Variants in TBC1D28 observed in about 807,000 individuals in gnomAD.
TBC1D28 encodes the protein TBC1 domain family member 28, also known as TBC1 domain family, member 28.
Under a neutral mutation model 29.2 loss-of-function variants are expected in TBC1D28, and 20 were observed. That is an observed-to-expected ratio of 0.68 (90% CI 0.48 to 0.99). The LOEUF (loss-of-function observed/expected upper bound fraction) is 0.99, where lower values mean the gene tolerates loss of function less well. Among genes scored for constraint, TBC1D28 ranks in the 50% least tolerant of loss-of-function variants. The probability of loss-of-function intolerance (pLI) is 0.00; values close to 1 mark genes in which losing one functional copy is unlikely to be tolerated. For missense variants in TBC1D28, 205 were observed against 243.7 expected, an observed-to-expected ratio of 0.84 and a Z score of 1.06; for synonymous variants, 65 against 90.9, an observed-to-expected ratio of 0.71 and a Z score of 1.62.
upstream of TBC1D28, chr17:18,642,537 A>G (rs1416370925): frequency 3.3e-5 from 5 of 152,104 alleles, no homozygotes; most frequent in Admixed American, 6.5e-5. Context: ...CCCGGGTCAC[A>G]TCTGGGTCTC....
At chr17:18,643,314 C>T (rs1468328706), upstream of TBC1D28, among the ~76,000 whole-genome samples, 1 of 151,526 alleles carries the variant, frequency 6.6e-6, no homozygotes, top group East Asian at 1.9e-4. Context: ...TTCACCTCCT[C>T]CTCCCAGTAG....
rs531478396 is a variant in TBC1D28 at position 18,637,925 on chromosome 17, G to A, written c.436C>T (p.Gln146Ter). The A allele has an allele frequency of 8.5e-5, 137 of 1,613,514 alleles. No individual in the cohort carries two copies. In the East Asian group the frequency reaches 2.8e-3, roughly 33 times the overall value. The change falls in exon 8 of 9, where the codon CAG becomes TAG. Residue 146 changes from glutamine to a stop codon, truncating the protein, a stop_gained. Transcript: ENST00000345096. LOFTEE classifies it high-confidence loss of function. ...TGCAGGGTGTGGCTGACATCTAGCT[G>A]GATGCAGTGGATGATTCTGGAGGAC...
chr17:18,636,405 T>C, exon 9 of TBC1D28: 1 of 1,595,896 alleles, frequency 6.3e-7, no homozygotes, highest in South Asian at 1.1e-5. Flanking sequence ...AACCCTTTTC[T>C]GCCAGCAGCG....
chr17:18,639,332 A>T lies in TBC1D28; in HGVS notation c.159-118T>A, dbSNP rs565780245. ...CATCCACCCTAAGTCTCAGCCTGGG[A>T]CAAGGCACAGAGAAGGAAGGCAAGG... On this transcript the variant is annotated intron_variant, in intron 4 of 8. Coordinates refer to ENST00000345096, the Ensembl canonical transcript of TBC1D28. 264 of 1,384,794 alleles carry T rather than the reference A, an allele frequency of 1.9e-4. 5 individuals are homozygous for T. The South Asian group carries it at 4.0e-3, about 21-fold the overall frequency. 85.8% of individuals were successfully genotyped at this position (1,384,794 alleles called of 1,614,324 possible). A position where few individuals can be genotyped will look rare whatever the true frequency, so the allele number is the denominator to read the frequency against.
intron 5 of TBC1D28, chr17:18,638,924 G>A (rs2031639006): frequency 5.2e-6 from 4 of 774,526 alleles, no homozygotes; most frequent in Non-Finnish European, 8.2e-6. Flanking sequence ...CCAAGTTTTG[G>A]TCAGGTCCAG....
At chr17:18,644,132 G>A (rs1284317218), upstream of TBC1D28, among the ~76,000 whole-genome samples, 4 of 151,698 alleles carry the variant, frequency 2.6e-5, no homozygotes, top group African/African-American at 4.8e-5. Flanking sequence ...TTCGGGGACA[G>A]CACCCACCCC....
At chr17:18,637,382 C>T (rs1357263527) in intron 8 of TBC1D28, among the ~76,000 whole-genome samples, 3 of 126,648 alleles carry the variant, frequency 2.4e-5, no homozygotes, top group African/African-American at 3.3e-5. Context: ...ATGTGTGGTA[C>T]GAGGCCACTG....
In TBC1D28 at chr17:18,638,647, A is replaced by G. The variant is rs767928291; in HGVS notation, c.253T>C (p.Trp85Arg). ...TTCTTGGTGCTCCTATATTTTGTCC[A>G]GTCTGCAAGCATCTTTTGCCACTTG... is the stretch of plus-strand genomic sequence containing the variant. The change falls in exon 6 of 9, where the codon TGG becomes CGG. Residue 85 changes from tryptophan (W) to arginine (R), a missense_variant. By Grantham distance (101) the Trp-to-Arg change is moderately radical. Transcript: ENST00000345096. 10 of 1,614,190 alleles carry G rather than the reference A, an allele frequency of 6.2e-6. No homozygotes were observed. The Admixed American group carries it at 1.7e-4, about 27-fold the overall frequency.
At chr17:18,638,540 CCCA>C in intron 6 of TBC1D28, 78 bp downstream of exon 7, 1 of 342,058 alleles carries the variant, frequency 2.9e-6, no homozygotes, top group Non-Finnish European at 3.6e-6. Flanking sequence ...CTGAGAGGCA[CCCA>C]CCCAGGCCAA....
At chr17:18,642,961 C>T (rs2031836042), upstream of TBC1D28, 1 of 152,322 alleles carries the variant, frequency 6.6e-6, no homozygotes, top group Admixed American at 6.5e-5. Flanking sequence ...CCTCCAGCCC[C>T]TAAGGTGTCA....
chr17:18,636,391 C>T (rs1238045030), exon 9 of TBC1D28: 1 of 1,584,530 alleles, frequency 6.3e-7, no homozygotes, highest in Non-Finnish European at 8.6e-7. Flanking sequence ...GGAGTCTGGG[C>T]TTCAACCCTT....
At chr17:18,638,412 T>C (rs1349895465) in exon 7 of TBC1D28, 1 of 1,614,136 alleles carries the variant, frequency 6.2e-7, no homozygotes, top group East Asian at 2.2e-5. Flanking sequence ...TGCATACTCT[T>C]TGAGACAGCT....
At chr17:18,634,824 C>CG (rs1164950224), downstream of TBC1D28, among the ~76,000 whole-genome samples, 2 of 142,462 alleles carry the variant, frequency 1.4e-5, no homozygotes, top group South Asian at 2.2e-4. Flanking sequence ...CCGCCTCAGC[C>CG]CCTCAGCCCC....
intron 7 of TBC1D28, 169 bp downstream of exon 8, chr17:18,638,144 G>A: frequency 7.5e-7 from 1 of 1,326,368 alleles, no homozygotes; most frequent in Non-Finnish European, 1.1e-6. Context: ...AGGGTCAGCA[G>A]AGCCCAGCGC....
intron 8 of TBC1D28, among the ~76,000 whole-genome samples, chr17:18,637,127 C>T (rs1264282446): frequency 7.3e-6 from 1 of 137,926 alleles, no homozygotes; most frequent in Non-Finnish European, 1.5e-5. Flanking sequence ...GGCGTCATTC[C>T]CTCAGCAATA....
At chr17:18,639,367 C>A (rs547972336) in intron 4 of TBC1D28, among the ~76,000 whole-genome samples, 153 bp from the exon 6 acceptor site, 2 of 105,936 alleles carry the variant, frequency 1.9e-5, no homozygotes, top group Admixed American at 1.0e-4. Context: ...GGCCTCCCTG[C>A]GGATCTGACA....
chr17:18,636,534 C>A (rs756076458), exon 9 of TBC1D28: 1 of 1,613,820 alleles, frequency 6.2e-7, no homozygotes, highest in Non-Finnish European at 8.5e-7. Context: ...AATATCGCTG[C>A]CCGGGAATAC....
At chr17:18,636,722 C>T (rs1597479947) in intron 8 of TBC1D28, 125 bp from the exon 10 acceptor site, 1 of 1,159,788 alleles carries the variant, frequency 8.6e-7, no homozygotes, top group East Asian at 2.4e-5. Flanking sequence ...AAGCAGTGAG[C>T]TCTTTAGGAC....
chr17:18,641,656 C>T lies in TBC1D28; in HGVS notation c.-26G>A. Reference sequence around the variant, plus strand: ...CCTGCCCTGGCAGGACAAACGGCGTCCACTTGCTGAGGGTGAAGTCCCCAC... The same window carrying T: ...CCTGCCCTGGCAGGACAAACGGCGTTCACTTGCTGAGGGTGAAGTCCCCAC... On this transcript the variant is annotated 5_prime_UTR_variant, in exon 2 of 9. It introduces an in-frame stop codon into an upstream open reading frame of the 5' UTR. Transcript: ENST00000345096. 1 of 445,088 alleles carries T rather than the reference C, an allele frequency of 2.2e-6. No homozygotes were observed. The highest frequency in any genetic ancestry group is 4.0e-6 in the Non-Finnish European group (1 of 248,774). The allele number at this position is 445,088 out of a possible 1,614,324, so 27.6% of individuals were successfully genotyped here.
Sources: allele counts gnomAD v4.1 joint callset (sites outside exome capture counted in the v4.1 genomes callset), GRCh38; gene constraint gnomAD v4.1.1; transcripts MANE v1.5; gene names NCBI Gene and HGNC (gene_info 2026-07-23, HGNC 2026-07-21).